GOLPH3: variants seen among roughly 807,000 people sequenced by gnomAD.
The protein encoded by GOLPH3 is golgi phosphoprotein 3.
Under a neutral mutation model 28.5 loss-of-function variants are expected in GOLPH3, and 14 were observed. That is an observed-to-expected ratio of 0.49 (90% CI 0.32 to 0.77). GOLPH3 has a LOEUF of 0.77. GOLPH3 is among the 30% of genes least tolerant of loss of function. The pLI, the probability that GOLPH3 is intolerant of heterozygous loss-of-function variation, is 0.03. For missense variants in GOLPH3, 350 were observed against 393.7 expected (o/e 0.89, Z 0.94); for synonymous variants, 158 against 159.2 (o/e 0.99, Z 0.06).
At chr5:32,161,736 TC>T (rs1319421231) in intron 1 of GOLPH3, among the ~76,000 whole-genome samples, 1 of 151,016 alleles carries the variant, frequency 6.6e-6, no homozygotes, top group African/African-American at 2.5e-5. Flanking sequence ...GACCTAAAAA[TC>T]AGAAGTCGGG....
chr5:32,130,741 C>T (rs1224650162), intron 3 of GOLPH3, among the ~76,000 whole-genome samples: 2 of 152,166 alleles, frequency 1.3e-5, no homozygotes, highest in South Asian at 2.1e-4. Flanking sequence ...CCCTCTAATG[C>T]TGTTCTACAA....
At chr5:32,133,639 T>C (rs1380351418) in intron 3 of GOLPH3, among the ~76,000 whole-genome samples, 1 of 152,256 alleles carries the variant, frequency 6.6e-6, no homozygotes, top group Admixed American at 6.5e-5. Flanking sequence ...AGAGTTGACA[T>C]TAATGCCCTG....
chr5:32,173,437 C>T (rs1746893023), intron 1 of GOLPH3, among the ~76,000 whole-genome samples: 1 of 152,000 alleles, frequency 6.6e-6, no homozygotes, highest in Non-Finnish European at 1.5e-5. Flanking sequence ...GCTGGTGGCT[C>T]CAGCTGTTAG....
Position 32,173,891 on chromosome 5 carries a change from G to C in GOLPH3, c.144C>G (p.Asp48Glu). The C allele has an allele frequency of 1.3e-6, 2 of 1,521,330 alleles. No individual in the cohort carries two copies. The highest frequency in any genetic ancestry group is 1.2e-5 in the South Asian group (1 of 81,648). The allele number at this position is 1,521,330 out of a possible 1,614,324, so 94.2% of individuals were successfully genotyped here. The change falls in exon 1 of 4, where the codon GAC becomes GAG. Residue 48 changes from aspartate to glutamate, a missense_variant. Coordinates refer to ENST00000265070, the MANE Select transcript of GOLPH3 (RefSeq NM_022130.4). ...CCTTGGAGTCGCCCTTGTCGTCGTC[G>C]TCCTGCTCGTCGCGGCGGCTCTGCG... ...DDAQSRRDEQ[D>E]DDDKGDSKET...
At chr5:32,172,345 C>T (rs986320845) in intron 1 of GOLPH3, among the ~76,000 whole-genome samples, 3 of 151,186 alleles carry the variant, frequency 2.0e-5, no homozygotes, top group Non-Finnish European at 4.4e-5. Context: ...AGAAAGATTA[C>T]GTTGTTTTGT....
intron 2 of GOLPH3, among the ~76,000 whole-genome samples, chr5:32,142,833 G>A (rs1372321808): frequency 2.8e-5 from 4 of 141,054 alleles, no homozygotes; most frequent in East Asian, 4.6e-4. Flanking sequence ...GGTGGGGGGG[G>A]TCAGCCCCCC....
intron 1 of GOLPH3, among the ~76,000 whole-genome samples, chr5:32,156,697 T>C (rs1746437197): frequency 6.6e-6 from 1 of 152,186 alleles, no homozygotes; most frequent in South Asian, 2.1e-4. Context: ...AAGGATCGCC[T>C]ACCTTAGATC....
At chr5:32,173,044 G>GC (rs1271420027) in intron 1 of GOLPH3, among the ~76,000 whole-genome samples, 2 of 152,218 alleles carry the variant, frequency 1.3e-5, no homozygotes, top group East Asian at 3.9e-4. Flanking sequence ...ATTATCTATT[G>GC]CAACTTCAAC....
At position 32,125,515 on chromosome 5, in the gene GOLPH3, G is replaced by C. The variant is rs1420897701; in HGVS notation, c.*697C>G. 1 of 152,608 alleles carries C rather than the reference G, an allele frequency of 6.6e-6. No individual in the cohort carries two copies. The highest frequency in any genetic ancestry group is 1.9e-4 in the East Asian group (1 of 5,196). 9.5% of individuals were successfully genotyped at this position (152,608 alleles called of 1,614,324 possible). ...TTGCAAAATACTAAGATGGGAGCAG[G>C]GGTGGCCAGAAGAAGGGGTAATTTA... On this transcript the variant is annotated 3_prime_UTR_variant, in exon 4 of 4. Coordinates refer to ENST00000265070, the MANE Select transcript of GOLPH3 (RefSeq NM_022130.4).
chr5:32,126,277 C>A lies in GOLPH3; in HGVS notation c.832G>T (p.Val278Leu), dbSNP rs1745675893. 6.2e-7 allele frequency: 1 copy of A among 1,614,188 alleles called. No homozygotes were observed. Among genetic ancestry groups the A allele is most frequent in the Non-Finnish European group, 8.5e-7 (1 of 1,180,030 alleles). Residue 278 changes from valine (V) to leucine (L), a missense_variant, in exon 4 of 4, where the codon GTG (valine) becomes TTG (leucine). Transcript: ENST00000265070. Reference protein sequence around the residue: ...VRQLLDLDPEVECLKANTNEV... With the variant: ...VRQLLDLDPELECLKANTNEV... ...TTGGTGTTGGCCTTCAGACATTCCA[C>A]TTCAGGGTCTAAGTCGAGAAGCTGC...
At chr5:32,163,381 A>C (rs1432340998) in intron 1 of GOLPH3, among the ~76,000 whole-genome samples, 7 of 152,110 alleles carry the variant, frequency 4.6e-5, no homozygotes, top group Non-Finnish European at 1.0e-4. Context: ...AAAAGCAAAA[A>C]ATTTTTCTTT....
chr5:32,156,807 G>C (rs549638398), intron 1 of GOLPH3, among the ~76,000 whole-genome samples: 6 of 152,170 alleles, frequency 3.9e-5, no homozygotes, highest in Non-Finnish European at 7.4e-5. Flanking sequence ...AGTAATGCTC[G>C]CTTGCCCGCC....
At chr5:32,152,838 G>C (rs1442867957) in intron 1 of GOLPH3, among the ~76,000 whole-genome samples, 1 of 151,522 alleles carries the variant, frequency 6.6e-6, no homozygotes. Flanking sequence ...CAGCATAGTT[G>C]GCAAAAATGA....
chr5:32,134,964 C>T (rs1745901330), intron 3 of GOLPH3: 3 of 152,248 alleles, frequency 2.0e-5, no homozygotes, highest in Non-Finnish European at 4.4e-5. Flanking sequence ...TCACAGTCCT[C>T]CATGCTATCA....
intron 3 of GOLPH3, among the ~76,000 whole-genome samples, chr5:32,131,451 T>C (rs1339416879): frequency 6.6e-6 from 1 of 152,234 alleles, no homozygotes; most frequent in Non-Finnish European, 1.5e-5. Context: ...GCAATAAAAG[T>C]TTAGCTTCTA....
At position 32,126,224 on chromosome 5, in the gene GOLPH3, C is replaced by A. The variant is rs771157837; in HGVS notation, c.885G>T (p.Ala295=). 7 of 1,609,144 alleles carry A rather than the reference C, an allele frequency of 4.4e-6. No homozygotes were observed. In the Admixed American group the frequency reaches 1.2e-4, roughly 27 times the overall value. ...ACCCCGAGCAGAGTTACTTGGTGAA[C>A]GCCGCCACCACCGCCCACAGAACCT... ...TNEVLWAVVA[A]FTK The change falls in exon 4 of 4, where the codon GCG becomes GCT. Residue 295 remains alanine, a synonymous_variant. Transcript: ENST00000265070.
In GOLPH3 at chr5:32,167,120, T is replaced by TC. The variant is rs1746733190; in HGVS notation, c.225+6689dup. Reference sequence around the variant, plus strand: ...TGTATTTCTTTAAATATCAAAAAAATCCCCCAAATATTTCAAAATCTATCA... The same window carrying TC: ...TGTATTTCTTTAAATATCAAAAAAATCCCCCCAAATATTTCAAAATCTATCA... On this transcript the variant is annotated intron_variant, in intron 1 of 3. Coordinates refer to ENST00000265070, the MANE Select transcript of GOLPH3 (RefSeq NM_022130.4). 2.0e-5 allele frequency among the ~76,000 whole-genome samples: 3 copies of TC among 152,030 alleles called. No individual in the cohort carries two copies. In the South Asian group the frequency reaches 6.2e-4, roughly 32 times the overall value.
intron 1 of GOLPH3, among the ~76,000 whole-genome samples, chr5:32,160,089 CAAAAT>C (rs1348933882): frequency 1.3e-5 from 2 of 152,094 alleles, no homozygotes; most frequent in Non-Finnish European, 2.9e-5. Context: ...TTTAAATTCT[CAAAAT>C]AGACTGAGGT....
chr5:32,136,430 G>A (rs767362305), intron 2 of GOLPH3, among the ~76,000 whole-genome samples: 5 of 151,108 alleles, frequency 3.3e-5, no homozygotes, highest in African/African-American at 4.9e-5. Context: ...GCAGCGGGCC[G>A]AGATTGTGCC....
Sources: allele counts gnomAD v4.1 joint callset (sites outside exome capture counted in the v4.1 genomes callset), GRCh38; gene constraint gnomAD v4.1.1; transcripts MANE v1.5; gene names NCBI Gene and HGNC (gene_info 2026-07-23, HGNC 2026-07-21).